PDGFRL: variants seen among roughly 807,000 people sequenced by gnomAD.
The protein encoded by PDGFRL is platelet derived growth factor receptor like, also known as platelet-derived growth factor receptor-like protein.
PDGFRL carries 46 observed loss-of-function variants against 37.2 expected under a neutral mutation model. The observed-to-expected ratio is 1.24, with a 90% CI of 0.98 to 1.58. The LOEUF is 1.58. PDGFRL is among the 40% of genes most tolerant of loss of function. The probability of loss-of-function intolerance (pLI) is 0.00; values close to 1 mark genes in which losing one functional copy is unlikely to be tolerated. For missense variants in PDGFRL, 692 were observed against 467.6 expected (o/e 1.48, Z -4.43); for synonymous variants, 251 against 184.3 (o/e 1.36, Z -2.93).
intron 3 of PDGFRL, among the ~76,000 whole-genome samples, chr8:17,626,426 T>A (rs761468351): frequency 1.3e-5 from 2 of 152,058 alleles, no homozygotes; most frequent in Non-Finnish European, 2.9e-5. Context: ...CGTCTTAGAG[T>A]CAGGAGGAAG....
intron 2 of PDGFRL, among the ~76,000 whole-genome samples, chr8:17,618,346 G>A (rs1286095351): frequency 7.2e-5 from 11 of 152,104 alleles, no homozygotes; most frequent in African/African-American, 2.2e-4. Context: ...ATGAACCACC[G>A]CACCTGGCCT....
intron 5 of PDGFRL, among the ~76,000 whole-genome samples, chr8:17,638,263 A>G (rs1266696688): frequency 6.6e-6 from 1 of 152,258 alleles, no homozygotes; most frequent in African/African-American, 2.4e-5. Context: ...CATTCAGTTC[A>G]AATAATTTTT....
intron 2 of PDGFRL, among the ~76,000 whole-genome samples, chr8:17,613,575 C>A (rs1222477621): frequency 6.6e-6 from 1 of 152,086 alleles, no homozygotes; most frequent in Non-Finnish European, 1.5e-5. Flanking sequence ...AGGGTGACTT[C>A]TTTTTCAATA....
intron 4 of PDGFRL, among the ~76,000 whole-genome samples, chr8:17,633,095 C>T (rs903021989): frequency 4.6e-5 from 7 of 152,138 alleles, no homozygotes; most frequent in Non-Finnish European, 8.8e-5. Flanking sequence ...GGTCCATCAC[C>T]CTCCCTGCTC....
intron 4 of PDGFRL, among the ~76,000 whole-genome samples, chr8:17,633,260 T>G (rs1054359970): frequency 6.6e-6 from 1 of 152,062 alleles, no homozygotes; most frequent in African/African-American, 2.4e-5. Flanking sequence ...CCAAAAAAAC[T>G]GAAAAACTAG....
At chr8:17,589,322 G>T (rs113233538) in intron 1 of PDGFRL, 146 bp from the exon 2 acceptor site, 28,423 of 668,378 alleles carry the variant, frequency 0.043, 951 homozygotes, top group African/African-American at 0.12. Flanking sequence ...GGAGGTGGAG[G>T]TTGCAGTGAG....
intron 4 of PDGFRL, 62 bp from the exon 5 acceptor site, chr8:17,634,012 G>A (rs73571132): frequency 3.3e-6 from 5 of 1,518,570 alleles, no homozygotes; most frequent in East Asian, 4.5e-5. Context: ...GAATGCATCT[G>A]TAGGTTTGTT....
intron 2 of PDGFRL, among the ~76,000 whole-genome samples, chr8:17,620,625 C>T (rs1243051874): frequency 1.3e-5 from 2 of 152,120 alleles, no homozygotes; most frequent in Non-Finnish European, 2.9e-5. Context: ...TATAATATTG[C>T]ATTTTCACGA....
At chr8:17,634,753 G>A (rs998622124) in intron 5 of PDGFRL, among the ~76,000 whole-genome samples, 1 of 152,138 alleles carries the variant, frequency 6.6e-6, no homozygotes, top group African/African-American at 2.4e-5. Context: ...TCACTTTTAA[G>A]TGGGAGCTAA....
intron 3 of PDGFRL, among the ~76,000 whole-genome samples, chr8:17,624,326 A>C (rs1804691668): frequency 6.6e-6 from 1 of 152,202 alleles, no homozygotes; most frequent in African/African-American, 2.4e-5. Flanking sequence ...GACTGTTGTT[A>C]GTGTGCAGTT....
At chr8:17,633,031 C>T (rs1217029536) in intron 4 of PDGFRL, among the ~76,000 whole-genome samples, 1 of 152,132 alleles carries the variant, frequency 6.6e-6, no homozygotes, top group Non-Finnish European at 1.5e-5. Flanking sequence ...TACGATGACT[C>T]ACTCAGTGTC....
intron 4 of PDGFRL, among the ~76,000 whole-genome samples, chr8:17,629,480 C>G (rs1273060549): frequency 1.3e-5 from 2 of 152,168 alleles, no homozygotes; most frequent in African/African-American, 4.8e-5. Context: ...ATTCCCACGT[C>G]AAGGCTGGCA....
intron 1 of PDGFRL, among the ~76,000 whole-genome samples, chr8:17,585,434 G>A (rs2720562): frequency 0.49 from 74,033 of 151,998 alleles, 19,754 homozygotes; most frequent in East Asian, 0.72. Flanking sequence ...AGAGAGAAAG[G>A]AAGGGCTTGC....
chr8:17,596,091 C>T (rs1166591257), intron 2 of PDGFRL, among the ~76,000 whole-genome samples: 1 of 145,532 alleles, frequency 6.9e-6, no homozygotes, highest in Non-Finnish European at 1.5e-5. Context: ...AAGCAACCAG[C>T]CAGGAAGCCC....
At chr8:17,584,136 A>G (rs1563503445) in intron 1 of PDGFRL, among the ~76,000 whole-genome samples, 1 of 152,176 alleles carries the variant, frequency 6.6e-6, no homozygotes, top group Non-Finnish European at 1.5e-5. Context: ...AGATGAAGTC[A>G]AAAGAATTTG....
chr8:17,607,971 C>G (rs1039752396), intron 2 of PDGFRL, among the ~76,000 whole-genome samples: 1 of 152,212 alleles, frequency 6.6e-6, no homozygotes, highest in Non-Finnish European at 1.5e-5. Flanking sequence ...GCGGCTCCGT[C>G]CCACCCACAC....
intron 2 of PDGFRL, among the ~76,000 whole-genome samples, chr8:17,608,593 T>G (rs79604261): frequency 6.6e-6 from 1 of 152,152 alleles, no homozygotes; most frequent in African/African-American, 2.4e-5. Context: ...GTTGGTCTGC[T>G]GAGGAGAATG....
At chr8:17,628,862 A>G in intron 4 of PDGFRL, 82 bp downstream of exon 4, 1 of 895,682 alleles carries the variant, frequency 1.1e-6, no homozygotes, top group South Asian at 1.5e-5. Flanking sequence ...TGCAGATGGA[A>G]TAAGGAAGCT....
intron 3 of PDGFRL, among the ~76,000 whole-genome samples, chr8:17,625,162 G>A (rs1363790792): frequency 2.0e-5 from 2 of 99,080 alleles, no homozygotes; most frequent in Non-Finnish European, 3.6e-5. Flanking sequence ...TTGTTTTTTT[G>A]TCTTTTTTGA....
Sources: allele counts gnomAD v4.1 joint callset (sites outside exome capture counted in the v4.1 genomes callset), GRCh38; gene constraint gnomAD v4.1.1; transcripts MANE v1.5; gene names NCBI Gene and HGNC (gene_info 2026-07-23, HGNC 2026-07-21).